PCDH9: variants seen among roughly 807,000 people sequenced by gnomAD.
The protein encoded by PCDH9 is protocadherin-9.
Under a neutral mutation model 70.6 loss-of-function variants are expected in PCDH9, and 24 were observed. That is an observed-to-expected ratio of 0.34 (90% confidence interval 0.25 to 0.48). PCDH9 has a LOEUF of 0.48. Ranked by LOEUF, PCDH9 falls within the 20% of genes least tolerant of loss-of-function variation. The pLI is 0.99. For synonymous variants in PCDH9, 562 were observed against 558.5 expected (o/e 1.01, Z -0.09); for missense variants, 1,281 against 1,503.6 (o/e 0.85, Z 2.45).
chr13:66,369,521 G>A (rs1956609496), intron 4 of PCDH9, among the ~76,000 whole-genome samples: 1 of 151,944 alleles, frequency 6.6e-6, no homozygotes, highest in African/African-American at 2.4e-5. Context: ...CTGCATTCCT[G>A]CACTCTTGAT....
At chr13:66,455,272 A>G (rs1246407187) in intron 4 of PCDH9, among the ~76,000 whole-genome samples, 1 of 151,344 alleles carries the variant, frequency 6.6e-6, no homozygotes, top group East Asian at 1.9e-4. Context: ...CCTTGTTGTT[A>G]TATATATATT....
chr13:66,985,124 T>A (rs887621947), intron 2 of PCDH9, among the ~76,000 whole-genome samples: 1 of 152,110 alleles, frequency 6.6e-6, no homozygotes, highest in African/African-American at 2.4e-5. Context: ...TCACTGTCTG[T>A]TATAGTCTCT....
intron 2 of PCDH9, among the ~76,000 whole-genome samples, chr13:67,135,219 T>A (rs955341765): frequency 5.3e-5 from 8 of 152,130 alleles, no homozygotes; most frequent in African/African-American, 1.9e-4. Context: ...TTGTGAATTG[T>A]TAAAATATAT....
intron 3 of PCDH9, among the ~76,000 whole-genome samples, chr13:66,717,248 G>T (rs908572753): frequency 1.3e-5 from 2 of 151,338 alleles, no homozygotes; most frequent in African/African-American, 4.9e-5. Context: ...CTGAGGTCAG[G>T]AGTTCAAGAC....
At chr13:67,158,171 G>T (rs1469593784) in intron 2 of PCDH9, among the ~76,000 whole-genome samples, 1 of 152,064 alleles carries the variant, frequency 6.6e-6, no homozygotes, top group African/African-American at 2.4e-5. Context: ...TATTATAAAG[G>T]CATAGAGATA....
intron 4 of PCDH9, among the ~76,000 whole-genome samples, chr13:66,576,040 G>T (rs2076810271): frequency 7.4e-6 from 1 of 134,686 alleles, no homozygotes; most frequent in African/African-American, 2.9e-5. Context: ...AAATAAAAAA[G>T]ATCAATTATC....
intron 3 of PCDH9, among the ~76,000 whole-genome samples, chr13:66,827,021 A>G (rs1422821839): frequency 1.3e-5 from 2 of 152,192 alleles, no homozygotes; most frequent in Admixed American, 1.3e-4. Context: ...TCTGGATTGT[A>G]AGGGTGGAAT....
intron 2 of PCDH9, among the ~76,000 whole-genome samples, chr13:67,183,592 T>A (rs931052259): frequency 2.6e-5 from 4 of 152,154 alleles, no homozygotes; most frequent in South Asian, 2.1e-4. Flanking sequence ...TTTTATTTTT[T>A]AAAAAATCAA....
At chr13:66,436,042 A>G (rs1035523298) in intron 4 of PCDH9, among the ~76,000 whole-genome samples, 1 of 152,152 alleles carries the variant, frequency 6.6e-6, no homozygotes, top group South Asian at 2.1e-4. Flanking sequence ...TCACCTAGTA[A>G]TCATAATAAA....
At chr13:66,914,279 G>A (rs2082521398) in intron 2 of PCDH9, 1 of 151,926 alleles carries the variant, frequency 6.6e-6, no homozygotes, top group Admixed American at 6.6e-5. Context: ...ACAAGGAAAT[G>A]TCTGTAGATG....
chr13:66,320,254 T>C (rs1955730025), intron 4 of PCDH9, among the ~76,000 whole-genome samples: 1 of 152,090 alleles, frequency 6.6e-6, no homozygotes, highest in Admixed American at 6.5e-5. Context: ...CTCTGTGTCT[T>C]TTTGATTTCA....
chr13:66,308,841 G>A (rs985997693), intron 4 of PCDH9, among the ~76,000 whole-genome samples: 1 of 151,846 alleles, frequency 6.6e-6, no homozygotes. Flanking sequence ...GCTCAAGAAG[G>A]GGAAACTGAC....
intron 3 of PCDH9, among the ~76,000 whole-genome samples, chr13:66,794,783 A>G (rs570344191): frequency 6.1e-4 from 93 of 152,206 alleles, no homozygotes; most frequent in East Asian, 3.7e-3. Flanking sequence ...CAGTGAAACA[A>G]TATAAGATCT....
At chr13:67,157,944 T>C (rs2087856575) in intron 2 of PCDH9, among the ~76,000 whole-genome samples, 1 of 152,144 alleles carries the variant, frequency 6.6e-6, no homozygotes, top group African/African-American at 2.4e-5. Flanking sequence ...GGGGTTGACA[T>C]TAATTAAAAA....
intron 4 of PCDH9, among the ~76,000 whole-genome samples, chr13:66,362,513 G>A (rs1956488716): frequency 6.6e-6 from 1 of 152,132 alleles, no homozygotes; most frequent in Non-Finnish European, 1.5e-5. Flanking sequence ...TTTTAGAGGT[G>A]AAATCCTCTA....
chr13:67,008,392 T>G (rs1255378542), intron 2 of PCDH9, among the ~76,000 whole-genome samples: 4 of 152,148 alleles, frequency 2.6e-5, no homozygotes, highest in African/African-American at 9.6e-5. Context: ...TGGTTTATAT[T>G]TTGTGAGGTG....
chr13:66,607,760 A>T (rs2077239579), intron 4 of PCDH9, among the ~76,000 whole-genome samples: 1 of 152,136 alleles, frequency 6.6e-6, no homozygotes, highest in African/African-American at 2.4e-5. Context: ...GTAAAGTGGT[A>T]AATTTTTCAA....
intron 4 of PCDH9, among the ~76,000 whole-genome samples, chr13:66,338,764 CTAATT>C (rs1180674225): frequency 6.6e-6 from 1 of 151,844 alleles, no homozygotes; most frequent in Non-Finnish European, 1.5e-5. Context: ...TTGTTCAATT[CTAATT>C]TAATTCTAGA....
chr13:67,196,323 C>T (rs576041212), intron 2 of PCDH9, among the ~76,000 whole-genome samples: 5 of 152,124 alleles, frequency 3.3e-5, no homozygotes, highest in African/African-American at 9.6e-5. Flanking sequence ...TAAAGAAATA[C>T]ATCCTAAAGA....
Sources: allele counts gnomAD v4.1 joint callset (sites outside exome capture counted in the v4.1 genomes callset), GRCh38; gene constraint gnomAD v4.1.1; transcripts MANE v1.5; gene names NCBI Gene and HGNC (gene_info 2026-07-23, HGNC 2026-07-21).